GNL2: variants seen among roughly 807,000 people sequenced by gnomAD.
The protein encoded by GNL2 is nucleolar GTP-binding protein 2.
A neutral mutation model predicts 92.3 loss-of-function variants in GNL2; 51 were observed. That is an observed-to-expected ratio of 0.55 (90% CI 0.44 to 0.70). The LOEUF is 0.70. Ranked by LOEUF, GNL2 falls within the 30% of genes least tolerant of loss-of-function variation. The probability of loss-of-function intolerance (pLI) is 0.00; values close to 1 mark genes in which losing one functional copy is unlikely to be tolerated. For synonymous variants in GNL2, 283 were observed against 300.6 expected (o/e 0.94, Z 0.61); for missense variants, 844 against 895.6 (o/e 0.94, Z 0.74).
At chr1:37,578,212 G>A (rs1168596271) in intron 8 of GNL2, among the ~76,000 whole-genome samples, 1 of 152,120 alleles carries the variant, frequency 6.6e-6, no homozygotes, top group Admixed American at 6.5e-5. Flanking sequence ...GCTGAGGTGG[G>A]CAGATCACTT....
intron 5 of GNL2, 74 bp from the exon 6 acceptor site, chr1:37,584,007 A>ATG: frequency 1.1e-6 from 1 of 871,516 alleles, no homozygotes. Context: ...GGTAAAGTCA[A>ATG]TGTACCAAAA....
rs1482142001 is a variant in GNL2 at position 37,588,898 on chromosome 1, G to A, written c.385-1403C>T. Among the ~76,000 whole-genome samples, 6 of 152,232 alleles carry A rather than the reference G, an allele frequency of 3.9e-5. No individual in the cohort carries two copies. The East Asian group carries it at 1.2e-3, about 29-fold the overall frequency. Reference sequence around the variant, plus strand: ...GCAGAAAACTCATCAATTACTCTGAGCAGCTTTCTGCATCAACAAAGAAGC... The same window carrying A: ...GCAGAAAACTCATCAATTACTCTGAACAGCTTTCTGCATCAACAAAGAAGC... On this transcript the variant is annotated intron_variant, in intron 4 of 15. Transcript: ENST00000373062.
In GNL2 at chr1:37,584,611, C is replaced by A. The variant is rs144367731; in HGVS notation, c.570-678G>T. 2.6e-5 allele frequency among the ~76,000 whole-genome samples: 4 copies of A among 152,102 alleles called. No homozygotes were observed. In the East Asian group the frequency reaches 7.7e-4, roughly 29 times the overall value. Reference sequence around the variant, plus strand: ...ATTAGGCACCTAAACCAGTCAAATTCATGAGAGAGAAAGTAGAATGTTGTT... The same window carrying A: ...ATTAGGCACCTAAACCAGTCAAATTAATGAGAGAGAAAGTAGAATGTTGTT... On this transcript the variant is annotated intron_variant, in intron 5 of 15. Coordinates refer to ENST00000373062, the MANE Select transcript of GNL2 (RefSeq NM_013285.3).
intron 4 of GNL2, among the ~76,000 whole-genome samples, chr1:37,587,797 C>A (rs972910434): frequency 3.9e-5 from 6 of 152,200 alleles, no homozygotes; most frequent in Non-Finnish European, 7.4e-5. Context: ...TGCTTTATTT[C>A]ATTTATCATA....
At chr1:37,594,845 G>A (rs1445229028) in intron 1 of GNL2, among the ~76,000 whole-genome samples, 1 of 152,176 alleles carries the variant, frequency 6.6e-6, no homozygotes, top group South Asian at 2.1e-4. Context: ...CTGGCCAGGA[G>A]CCCCTTAAAT....
chr1:37,581,524 C>T (rs1360394545), intron 8 of GNL2: 7 of 455,910 alleles, frequency 1.5e-5, no homozygotes, highest in Admixed American at 1.2e-4. Flanking sequence ...CCCAGCAGAG[C>T]GTGGAACGTC....
In GNL2 at chr1:37,574,693, A is replaced by C. The variant is rs763982668; in HGVS notation, c.1274T>G (p.Leu425Arg). 1 of 1,614,006 alleles carries C rather than the reference A, an allele frequency of 6.2e-7. No homozygotes were observed. Among genetic ancestry groups the C allele is most frequent in the East Asian group, 2.2e-5 (1 of 44,890 alleles). The change falls in exon 11 of 16, where the codon CTC becomes CGC. Residue 425 changes from leucine to arginine, a missense_variant. Leu to Arg is a moderately radical substitution (Grantham distance 102). Coordinates refer to ENST00000373062, the MANE Select transcript of GNL2 (RefSeq NM_013285.3). ...TAGTAACTTCCCAGTCCGGAAAGCG[A>C]GCTTCTCAAGAAAGTCCTCAGCATT... ...WENAEDFLEK[L>R]AFRTGKLLKG... is the part of the protein sequence containing the mutation.
rs1557645424 is a variant in GNL2, at chr1:37,590,768, T to C, written c.322A>G (p.Lys108Glu). Residue 108 changes from lysine (K) to glutamate (E), a missense_variant, in exon 4 of 16, where the codon AAA becomes GAA. Lys to Glu is a moderately conservative substitution (Grantham distance 56). Coordinates refer to ENST00000373062, the MANE Select transcript of GNL2 (RefSeq NM_013285.3). The stretch of plus-strand genomic sequence containing the variant: ...AACTTGCTTTGCTTCATGACAACTT[T>C]GTATGGATCCTTCATAACTGTATCC... ...EMDTVMKDPY[K>E]VVMKQSKLPM... 2 of 1,611,196 alleles carry C rather than the reference T, an allele frequency of 1.2e-6. No individual in the cohort carries two copies. The highest frequency in any genetic ancestry group is 1.7e-6 in the Non-Finnish European group (2 of 1,177,354).
Position 37,569,292 on chromosome 1 carries a change from G to C in GNL2, c.1427C>G (p.Ser476Cys). The C allele has an allele frequency of 6.2e-7, 1 of 1,608,136 alleles. No individual in the cohort carries two copies. Among genetic ancestry groups the C allele is most frequent in the Non-Finnish European group, 8.5e-7 (1 of 1,178,118 alleles). Residue 476 changes from serine to cysteine, a missense_variant, in exon 13 of 16, where the codon TCC becomes TGC. Coordinates refer to ENST00000373062, the MANE Select transcript of GNL2 (RefSeq NM_013285.3). ...TTCTGGGACAACTTCCAAAGATGAG[G>C]AGGGTAGAAGCTATTAAGGGGTGGA... ...EPLVAPQLLP[S>C]SSLEVVPEAA...
intron 2 of GNL2, 103 bp downstream of exon 2, chr1:37,593,659 A>G (rs114154084): frequency 2.7e-6 from 2 of 742,728 alleles, no homozygotes; most frequent in Admixed American, 2.4e-5. Flanking sequence ...TATAACTCCT[A>G]TTTGGAGGAA....
At chr1:37,579,062 A>C (rs1262683335) in intron 8 of GNL2, among the ~76,000 whole-genome samples, 2 of 152,224 alleles carry the variant, frequency 1.3e-5, no homozygotes, top group Middle Eastern at 6.3e-3. Flanking sequence ...ACACAAAAAA[A>C]CCCACAAAAA....
rs575411477 is a variant in GNL2, at chr1:37,583,066, C to T, written c.637-130G>A. On this transcript the variant is annotated intron_variant, in intron 6 of 15. Coordinates refer to ENST00000373062, the MANE Select transcript of GNL2 (RefSeq NM_013285.3). ...TTCAAAACAGTCTCTGGGCAGAGTT[C>T]GTTGTGGCTAATCTCAAGGCCCAGT... 6.5e-4 allele frequency: 365 copies of T among 564,582 alleles called. 2 individuals carry two copies. Among genetic ancestry groups the T allele is most frequent in the African/African-American group, 6.3e-3 (329 of 51,900 alleles). The allele number at this position is 564,582 out of a possible 1,614,324, so 35.0% of individuals were successfully genotyped here.
rs956034080 is a variant in GNL2 at position 37,587,525 on chromosome 1, C to G, written c.385-30G>C. The G allele has an allele frequency of 4.1e-5, 61 of 1,486,160 alleles. 1 individual carries two copies. Among genetic ancestry groups the G allele is most frequent in the Non-Finnish European group, 5.3e-5 (57 of 1,083,130 alleles). The allele number at this position is 1,486,160 out of a possible 1,614,324, so 92.1% of individuals were successfully genotyped here. Reference sequence around the variant, plus strand: ...AGAGAAAGGAGAATAACAGGTAAAACTAAGAAAAGCACTGAGAAAAAGCAA... The same window carrying G: ...AGAGAAAGGAGAATAACAGGTAAAAGTAAGAAAAGCACTGAGAAAAAGCAA... On this transcript the variant is annotated intron_variant, in intron 4 of 15. Coordinates refer to ENST00000373062, the MANE Select transcript of GNL2 (RefSeq NM_013285.3).
rs571070896 is a variant in GNL2, at chr1:37,569,578, A to T, written c.1417-276T>A. 3.8e-4 allele frequency: 136 copies of T among 358,832 alleles called. No homozygotes were observed. In the Admixed American group the frequency reaches 5.8e-3, roughly 15 times the overall value. The allele number at this position is 358,832 out of a possible 1,614,324, so 22.2% of individuals were successfully genotyped here. A position where few individuals can be genotyped will look rare whatever the true frequency, so the allele number is the denominator to read the frequency against. On this transcript the variant is annotated intron_variant, in intron 12 of 15. Transcript: ENST00000373062. ...AAAACCAACCAATGATTTATCATAGAAAAGCAAGGCTCCCTAGACCTTCCC... is the reference window on the plus strand; with the variant it reads ...AAAACCAACCAATGATTTATCATAGTAAAGCAAGGCTCCCTAGACCTTCCC...
chr1:37,585,553 G>C (rs1461793273), intron 5 of GNL2, among the ~76,000 whole-genome samples: 1 of 152,200 alleles, frequency 6.6e-6, no homozygotes, highest in East Asian at 1.9e-4. Flanking sequence ...CTAGTCTCTA[G>C]GACATTTACC....
At chr1:37,586,938 C>T (rs1643857925) in intron 5 of GNL2, among the ~76,000 whole-genome samples, 1 of 152,082 alleles carries the variant, frequency 6.6e-6, no homozygotes, top group Non-Finnish European at 1.5e-5. Flanking sequence ...TGTTTTGTTG[C>T]AGAAGAGCAA....
In GNL2 at chr1:37,574,738, T is replaced by A; in HGVS notation, c.1229A>T (p.Tyr410Phe). 6.2e-7 allele frequency: 1 copy of A among 1,613,640 alleles called. No individual in the cohort carries two copies. Among genetic ancestry groups the A allele is most frequent in the Non-Finnish European group, 8.5e-7 (1 of 1,179,534 alleles). Residue 410 changes from tyrosine to phenylalanine, a missense_variant, in exon 11 of 16, where the codon TAC becomes TTC. Coordinates refer to ENST00000373062, the MANE Select transcript of GNL2 (RefSeq NM_013285.3). ...AGCATTCTCCCAAGAATCAATCTTG[T>A]ATGTTTTGCTGATATATTCTGGCTT... Reference protein sequence around the residue: ...RAKPEYISKTYKIDSWENAED... With the variant: ...RAKPEYISKTFKIDSWENAED...
Position 37,587,293 on chromosome 1 carries a change from G to T in GNL2, c.569+18C>A. ...AAAAAAAAAAAACAAAAACAAAGAA[G>T]CAAAAAAAAAAATGTACCTCACACC... On this transcript the variant is annotated intron_variant, in intron 5 of 15. Transcript: ENST00000373062. 6.7e-7 allele frequency: 1 copy of T among 1,483,262 alleles called. No individual in the cohort carries two copies. Among genetic ancestry groups the T allele is most frequent in the Admixed American group, 2.3e-5 (1 of 43,720 alleles). The allele number at this position is 1,483,262 out of a possible 1,614,324, so 91.9% of individuals were successfully genotyped here.
rs1643669466 is a variant in GNL2, at chr1:37,575,837, TACTA to T, written c.1039-142_1039-139del. The T allele has an allele frequency of 3.4e-6, 2 of 586,068 alleles. No individual in the cohort carries two copies. Among genetic ancestry groups the T allele is most frequent in the Non-Finnish European group, 6.0e-6 (2 of 332,240 alleles). The allele number at this position is 586,068 out of a possible 1,614,324, so 36.3% of individuals were successfully genotyped here. On this transcript the variant is annotated intron_variant, in intron 9 of 15. Coordinates refer to ENST00000373062, the MANE Select transcript of GNL2 (RefSeq NM_013285.3). This position sits in a 1 kb window ranked among gnomAD's most constrained non-coding sequence, Gnocchi z 4.1. ...AAAGCAACGCGCTAAGTAATTAAGC[TACTA>T]ACTCTCTCATCTGTGCCGTGCACAA...
Sources: gnomAD v4.1 joint callset for allele counts (sites outside exome capture counted in the v4.1 genomes callset) on GRCh38, gnomAD v4.1.1 for gene constraint, Gnocchi (gnomAD v3.1) non-coding constraint, MANE v1.5 for transcripts, NCBI Gene and HGNC (gene_info 2026-07-23, HGNC 2026-07-21) for gene names.